SLC35F4: variants seen among roughly 807,000 people sequenced by gnomAD.
SLC35F4 encodes chromosome 14 open reading frame 36.
In SLC35F4, 24 loss-of-function variants were observed where a neutral mutation model predicts 44.2. The ratio of observed to expected loss-of-function variants is 0.54; its 90% CI spans 0.39 to 0.76. SLC35F4 has a LOEUF of 0.76. SLC35F4 is among the 30% of genes least tolerant of loss of function. The pLI, the probability that SLC35F4 is intolerant of heterozygous loss-of-function variation, is 0.00. For missense variants in SLC35F4, 562 were observed against 586.1 expected (o/e 0.96, Z 0.42); for synonymous variants, 238 against 223.6 (o/e 1.06, Z -0.57).
intron 1 of SLC35F4, among the ~76,000 whole-genome samples, chr14:57,705,821 C>T (rs1209031439): frequency 6.6e-6 from 1 of 152,158 alleles, no homozygotes; most frequent in African/African-American, 2.4e-5. Context: ...TACTGGGAAA[C>T]TAACATACTG....
chr14:57,910,103 T>C (rs1025268342), intron 1 of SLC35F4, among the ~76,000 whole-genome samples: 2 of 152,158 alleles, frequency 1.3e-5, no homozygotes, highest in Non-Finnish European at 2.9e-5. Flanking sequence ...TCTTCTTTGG[T>C]GAGGTATCTG....
chr14:57,612,452 G>A (rs1344267886), intron 1 of SLC35F4, among the ~76,000 whole-genome samples: 1 of 152,210 alleles, frequency 6.6e-6, no homozygotes. Flanking sequence ...CTCAGTTCAA[G>A]TGTCACTTAC....
intron 1 of SLC35F4, among the ~76,000 whole-genome samples, chr14:57,655,854 A>G (rs1032162182): frequency 3.3e-5 from 5 of 152,182 alleles, no homozygotes; most frequent in Non-Finnish European, 7.3e-5. Flanking sequence ...GCCAAAATTT[A>G]CAAATGACCA....
chr14:57,902,937 A>G (rs1235302265), intron 1 of SLC35F4, among the ~76,000 whole-genome samples: 12 of 152,116 alleles, frequency 7.9e-5, no homozygotes, highest in African/African-American at 2.9e-4. Context: ...CTTTCTACAC[A>G]ACACATCTTT....
At chr14:57,780,743 T>A (rs899313438) in intron 1 of SLC35F4, among the ~76,000 whole-genome samples, 8 of 151,636 alleles carry the variant, frequency 5.3e-5, no homozygotes, top group African/African-American at 1.9e-4. Flanking sequence ...CAGACACATA[T>A]AAAACATAAG....
At chr14:57,832,027 C>T (rs1263485048) in intron 1 of SLC35F4, among the ~76,000 whole-genome samples, 1 of 152,162 alleles carries the variant, frequency 6.6e-6, no homozygotes, top group Non-Finnish European at 1.5e-5. Flanking sequence ...ACTCAGGAGT[C>T]CCACTGAGGC....
chr14:57,690,469 A>G (rs1213316135), intron 1 of SLC35F4, among the ~76,000 whole-genome samples: 1 of 152,096 alleles, frequency 6.6e-6, no homozygotes, highest in Non-Finnish European at 1.5e-5. Context: ...CTTCTATACC[A>G]GCAGTCCCCA....
Position 57,865,730 on chromosome 14 carries a change from G to A in SLC35F4, c.96C>T (p.Ser32=). 6.6e-7 allele frequency: 1 copy of A among 1,520,168 alleles called. No homozygotes were observed. The highest frequency in any genetic ancestry group is 8.8e-7 in the Non-Finnish European group (1 of 1,140,230). 94.2% of individuals were successfully genotyped at this position (1,520,168 alleles called of 1,614,324 possible). A position where few individuals can be genotyped will look rare whatever the true frequency, so the allele number is the denominator to read the frequency against. The change falls in exon 1 of 8, where the codon AGC becomes AGT. Residue 32 remains serine (S), a synonymous_variant. Coordinates refer to ENST00000556826, the MANE Select transcript of SLC35F4 (RefSeq NM_001306087.2). ...AGCCGCGCGGCGTCTTACTTTTCTG[G>A]CTGGAGTAACCTGGATAATAGCCAT... ...GYYGYYPGYS[S]QKSTSRSSVT...
chr14:57,726,242 C>G, intron 1 of SLC35F4, among the ~76,000 whole-genome samples: 1 of 152,202 alleles, frequency 6.6e-6, no homozygotes, highest in South Asian at 2.1e-4. Flanking sequence ...AATAGCCCAA[C>G]CCAGGCAGGA....
chr14:57,676,757 A>G (rs1289056776), intron 1 of SLC35F4, among the ~76,000 whole-genome samples: 1 of 152,066 alleles, frequency 6.6e-6, no homozygotes, highest in Non-Finnish European at 1.5e-5. Context: ...AAAAGTCAAA[A>G]AACAATGGCT....
At chr14:57,929,175 C>T (rs1889642682) in intron 1 of SLC35F4, among the ~76,000 whole-genome samples, 1 of 152,128 alleles carries the variant, frequency 6.6e-6, no homozygotes, top group Non-Finnish European at 1.5e-5. Flanking sequence ...TTCTATTTTC[C>T]ATCTGCTATA....
intron 1 of SLC35F4, among the ~76,000 whole-genome samples, chr14:57,619,153 G>A (rs1353282476): frequency 6.6e-6 from 1 of 152,188 alleles, no homozygotes; most frequent in Non-Finnish European, 1.5e-5. Context: ...TGGCTCTTAA[G>A]AGAGCAGCGG....
intron 1 of SLC35F4, among the ~76,000 whole-genome samples, chr14:57,643,157 A>C (rs1468140214): frequency 6.6e-6 from 1 of 152,060 alleles, no homozygotes; most frequent in Non-Finnish European, 1.5e-5. Flanking sequence ...GAAAAAAAAA[A>C]TAAAACACTT....
intron 1 of SLC35F4, among the ~76,000 whole-genome samples, chr14:57,754,832 G>C (rs949519815): frequency 6.6e-6 from 1 of 152,248 alleles, no homozygotes; most frequent in Non-Finnish European, 1.5e-5. Context: ...ACGTAGGAAA[G>C]CAACCTGACT....
chr14:57,929,460 G>T (rs1223174597), intron 1 of SLC35F4, among the ~76,000 whole-genome samples: 1 of 152,046 alleles, frequency 6.6e-6, no homozygotes, highest in Non-Finnish European at 1.5e-5. Flanking sequence ...ACTTGACAGG[G>T]TTAAGTTCAC....
chr14:57,614,776 CATA>C (rs1402069206), intron 1 of SLC35F4, among the ~76,000 whole-genome samples: 1 of 152,080 alleles, frequency 6.6e-6, no homozygotes, highest in Non-Finnish European at 1.5e-5. Context: ...GACAGCTCCC[CATA>C]ATGACTTCTG....
rs2077416485 is a variant in SLC35F4, at chr14:57,773,483, G to A, written c.103+92240C>T. On this transcript the variant is annotated intron_variant, in intron 1 of 7. Transcript: ENST00000556826. ...GAATAAAGCCAAAATTCACACCTAG[G>A]TCTGTCACCAAGGTCTGTGCCATTT... is the stretch of plus-strand genomic sequence containing the variant. 2.6e-5 allele frequency among the ~76,000 whole-genome samples: 4 copies of A among 152,090 alleles called. No homozygotes were observed. In the South Asian group the frequency reaches 8.3e-4, roughly 31 times the overall value.
At chr14:57,914,834 G>A (rs764336637) in intron 1 of SLC35F4, among the ~76,000 whole-genome samples, 2 of 152,110 alleles carry the variant, frequency 1.3e-5, no homozygotes, top group Non-Finnish European at 2.9e-5. Context: ...CAGCTCTCAT[G>A]GCTTGGAGTT....
At chr14:57,616,651 G>C (rs1451439714) in intron 1 of SLC35F4, among the ~76,000 whole-genome samples, 1 of 152,140 alleles carries the variant, frequency 6.6e-6, no homozygotes, top group Admixed American at 6.5e-5. Flanking sequence ...ACTGTCTACT[G>C]TCTCCATCAC....
Sources: gnomAD v4.1 joint callset for allele counts (sites outside exome capture counted in the v4.1 genomes callset) on GRCh38, gnomAD v4.1.1 for gene constraint, MANE v1.5 for transcripts, NCBI Gene and HGNC (gene_info 2026-07-23, HGNC 2026-07-21) for gene names.